SLC6A16: variants seen among roughly 807,000 people sequenced by gnomAD.
The protein encoded by SLC6A16 is solute carrier family 6 member 16, also known as orphan sodium- and chloride-dependent neurotransmitter transporter NTT5.
A neutral mutation model predicts 65.4 loss-of-function variants in SLC6A16; 54 were observed. The observed-to-expected ratio is 0.83, with a 90% confidence interval of 0.66 to 1.04. The LOEUF is 1.04. SLC6A16 is among the 50% of genes least tolerant of loss of function. The probability of loss-of-function intolerance (pLI) is 0.00; values close to 1 mark genes in which losing one functional copy is unlikely to be tolerated. For missense variants in SLC6A16, 816 were observed against 914.0 expected, an observed-to-expected ratio of 0.89 and a Z score of 1.38; for synonymous variants, 330 against 346.5, an observed-to-expected ratio of 0.95 and a Z score of 0.53.
chr19:49,338,827 T>C, the SLC6A16 span: 4 of 1,614,056 alleles, frequency 2.5e-6, no homozygotes, highest in Non-Finnish European at 3.4e-6. This position sits in a 1 kb window ranked among gnomAD's most constrained non-coding sequence, Gnocchi z 5.0. Flanking sequence ...GACTCCACAA[T>C]CCTAGATAAG....
At chr19:49,339,217 C>T in the SLC6A16 span, 2 of 940,220 alleles carry the variant, frequency 2.1e-6, no homozygotes, top group Non-Finnish European at 3.3e-6. This position sits in a 1 kb window ranked among gnomAD's most constrained non-coding sequence, Gnocchi z 4.5. Flanking sequence ...GCCCTGGTGA[C>T]TAGGGGAGCG....
intron 1 of SLC6A16, among the ~76,000 whole-genome samples, chr19:49,316,285 T>C (rs1017258788): frequency 6.6e-6 from 1 of 152,148 alleles, no homozygotes; most frequent in Non-Finnish European, 1.5e-5. Context: ...GTAGTTCTAC[T>C]AGATTGCAAG....
At chr19:49,319,742 C>G (rs906915035) in intron 1 of SLC6A16, among the ~76,000 whole-genome samples, 1 of 151,992 alleles carries the variant, frequency 6.6e-6, no homozygotes, top group Admixed American at 6.6e-5. Flanking sequence ...ACACTCTAGC[C>G]AACAGCAGCA....
Position 49,325,164 on chromosome 19 carries a change from G to T in SLC6A16, c.-181C>A. ...CCTCAGGCCCCTTCAGGCGTCGACA[G>T]ATCGGTTTGGGCGACACCCCTCGAT... On this transcript the variant is annotated 5_prime_UTR_variant, in exon 1 of 12. In the 5' UTR this introduces an upstream ATG that the reference lacks. Coordinates refer to ENST00000335875, the MANE Select transcript of SLC6A16 (RefSeq NM_014037.3). The T allele has an allele frequency of 1.0e-6, 1 of 985,472 alleles. No homozygotes were observed. The highest frequency in any genetic ancestry group is 4.7e-5 in the South Asian group (1 of 21,292). The allele number at this position is 985,472 out of a possible 1,614,324, so 61.0% of individuals were successfully genotyped here.
intron 1 of SLC6A16, among the ~76,000 whole-genome samples, chr19:49,313,625 C>CAAAAAAAA (rs902187308): frequency 1.7e-4 from 8 of 47,364 alleles, no homozygotes; most frequent in East Asian, 1.3e-3. Flanking sequence ...ACTAAAAATG[C>CAAAAAAAA]AAAAAAAAAA....
chr19:49,333,333 C>T, the SLC6A16 span, among the ~76,000 whole-genome samples: 1 of 150,494 alleles, frequency 6.6e-6, no homozygotes. Context: ...ATTAGCCGGG[C>T]GTAGTGGGTC....
intron 7 of SLC6A16, among the ~76,000 whole-genome samples, chr19:49,304,876 T>TGTCA (rs1452592196): frequency 3.9e-5 from 6 of 152,190 alleles, no homozygotes; most frequent in Non-Finnish European, 7.3e-5. Context: ...ATACAAGTAT[T>TGTCA]TGCACGAGTG....
At chr19:49,290,819 G>C (rs1426488368) in intron 10 of SLC6A16, 52 bp from the exon 11 acceptor site, 1 of 1,495,174 alleles carries the variant, frequency 6.7e-7, no homozygotes, top group East Asian at 2.4e-5. Context: ...TCACCACCTT[G>C]GAGGCAGGGC....
chr19:49,291,336 A>T (rs1165368735), intron 10 of SLC6A16, among the ~76,000 whole-genome samples: 1 of 151,740 alleles, frequency 6.6e-6, no homozygotes, highest in Non-Finnish European at 1.5e-5. Flanking sequence ...TTAACTAACC[A>T]TCTATGCCCC....
At chr19:49,335,343 G>C in the SLC6A16 span, 1 of 601,838 alleles carries the variant, frequency 1.7e-6, no homozygotes, top group South Asian at 2.0e-5. This position sits in a 1 kb window ranked among gnomAD's most constrained non-coding sequence, Gnocchi z 4.6. Context: ...CAGGGACAGA[G>C]AGAGAGACAG....
the SLC6A16 span, chr19:49,336,733 C>A: frequency 1.6e-6 from 1 of 611,350 alleles, no homozygotes; most frequent in South Asian, 2.1e-5. Context: ...GGAAACAGGC[C>A]CAGAAAGAAG....
At position 49,309,426 on chromosome 19, in the gene SLC6A16, G is replaced by C; in HGVS notation, c.877-15C>G. 12 of 1,579,242 alleles carry C rather than the reference G, an allele frequency of 7.6e-6. No individual in the cohort carries two copies. Among genetic ancestry groups the C allele is most frequent in the Non-Finnish European group, 1.0e-5 (12 of 1,148,804 alleles). On this transcript the variant is annotated splice_polypyrimidine_tract_variant and intron_variant, in intron 5 of 11. Coordinates refer to ENST00000335875, the MANE Select transcript of SLC6A16 (RefSeq NM_014037.3). ...ACATAGATTACCTGAATCGAGAGTG[G>C]GACATATCAGCAACCGTGTACCAGT...
At chr19:49,317,158 G>A (rs992223561) in intron 1 of SLC6A16, among the ~76,000 whole-genome samples, 1 of 151,336 alleles carries the variant, frequency 6.6e-6, no homozygotes, top group Non-Finnish European at 1.5e-5. Context: ...TGGCCAATAT[G>A]GTGAAACCCC....
intron 7 of SLC6A16, among the ~76,000 whole-genome samples, chr19:49,301,564 T>C (rs1282222676): frequency 1.3e-5 from 2 of 152,194 alleles, no homozygotes; most frequent in Admixed American, 6.5e-5. Flanking sequence ...ACCTTGGTGT[T>C]ACCAATGGCT....
chr19:49,315,839 C>T (rs78509807), intron 1 of SLC6A16, among the ~76,000 whole-genome samples: 2,692 of 151,708 alleles, frequency 0.018, 75 homozygotes, highest in African/African-American at 0.055. Flanking sequence ...TATGCTTAAA[C>T]ATAGGCACAT....
rs1160692197 is a variant in SLC6A16, at chr19:49,293,929, G to A, written c.1516C>T (p.Leu506=). The A allele has an allele frequency of 2.5e-6, 4 of 1,613,952 alleles. No individual in the cohort carries two copies. Among genetic ancestry groups the A allele is most frequent in the Non-Finnish European group, 3.4e-6 (4 of 1,179,984 alleles). Reference sequence around the variant, plus strand: ...ATTGCGCTGCTCAGCCCCATGGCCAGCAACATCAGGAAGAAGATAAAAGAC... The same window carrying A: ...ATTGCGCTGCTCAGCCCCATGGCCAACAACATCAGGAAGAAGATAAAAGAC... ...FWSFIFFLML[L]AMGLSSAIGI... The change falls in exon 9 of 12, where the codon CTG becomes TTG. Residue 506 remains leucine, a synonymous_variant. Coordinates refer to ENST00000335875, the MANE Select transcript of SLC6A16 (RefSeq NM_014037.3).
At chr19:49,337,826 G>A in the SLC6A16 span, 3 of 1,582,480 alleles carry the variant, frequency 1.9e-6, no homozygotes, top group African/African-American at 2.7e-5. Context: ...TTTGAGACTG[G>A]CCCAGAGATG....
chr19:49,325,036 C>G lies in SLC6A16; in HGVS notation c.-65+12G>C. ...GGGAACATTTTAGGGCTCCCTGGGC[C>G]GTGACCCTCACCCTAGCCCCAAGGC... On this transcript the variant is annotated intron_variant, in intron 1 of 11. Transcript: ENST00000335875. 23 of 985,462 alleles carry G rather than the reference C, an allele frequency of 2.3e-5. No individual in the cohort carries two copies. Among genetic ancestry groups the G allele is most frequent in the Non-Finnish European group, 2.8e-5 (23 of 829,954 alleles). 61.0% of individuals were successfully genotyped at this position (985,462 alleles called of 1,614,324 possible).
At chr19:49,306,547 C>CT (rs1174068777) in intron 7 of SLC6A16, among the ~76,000 whole-genome samples, 3,048 of 114,802 alleles carry the variant, frequency 0.027, 108 homozygotes, top group African/African-American at 0.076. Context: ...TTTTTTTTTT[C>CT]TTTTTTTTTT....
Sources: gnomAD v4.1 joint callset for allele counts (sites outside exome capture counted in the v4.1 genomes callset) on GRCh38, gnomAD v4.1.1 for gene constraint, Gnocchi (gnomAD v3.1) non-coding constraint, MANE v1.5 for transcripts, NCBI Gene and HGNC (gene_info 2026-07-23, HGNC 2026-07-21) for gene names.